The following DPP10 variants were observed in gnomAD, a reference collection of about 807,000 sequenced individuals.
The protein encoded by DPP10 is dipeptidyl peptidase like 10, also known as inactive dipeptidyl peptidase 10.
DPP10 carries 33 observed loss-of-function variants against 120.9 expected under a neutral mutation model. The ratio of observed to expected loss-of-function variants is 0.27; its 90% CI spans 0.21 to 0.37. The LOEUF (loss-of-function observed/expected upper bound fraction) is 0.37. Ranked by LOEUF, DPP10 falls within the 10% of genes least tolerant of loss-of-function variation. The pLI is 1.00. For missense variants in DPP10, 816 were observed against 942.8 expected, an observed-to-expected ratio of 0.87 and a Z score of 1.76; for synonymous variants, 337 against 326.1, an observed-to-expected ratio of 1.03 and a Z score of -0.36.
At position 114,512,574 on chromosome 2, in the gene DPP10, C is replaced by T. The variant is rs1684235309; in HGVS notation, c.60+69736C>T. ...GATTGTGATACTATACAGGAAAGTG[C>T]TAAATACCGCAGGCACAGATGAAAG... is the stretch of plus-strand genomic sequence containing the variant. On this transcript the variant is annotated intron_variant, in intron 1 of 25. Transcript: ENST00000410059. Among the ~76,000 whole-genome samples the T allele has an allele frequency of 2.0e-5, 3 of 152,322 alleles. No homozygotes were observed. The South Asian group carries it at 6.2e-4, about 32-fold the overall frequency.
intron 1 of DPP10, among the ~76,000 whole-genome samples, chr2:114,956,500 A>G (rs994443641): frequency 5.9e-5 from 9 of 152,130 alleles, no homozygotes; most frequent in South Asian, 2.1e-4. Context: ...AAAAGTTTAT[A>G]TATTTTAAAT....
At chr2:115,474,891 G>A (rs932748431) in intron 3 of DPP10, among the ~76,000 whole-genome samples, 2 of 152,164 alleles carry the variant, frequency 1.3e-5, no homozygotes, top group South Asian at 2.1e-4. Context: ...TAGGCTCAGA[G>A]GCCTAGGAGG....
chr2:115,785,806 G>A (rs182703407), intron 17 of DPP10, among the ~76,000 whole-genome samples: 75 of 145,650 alleles, frequency 5.1e-4, no homozygotes, highest in African/African-American at 1.6e-3. Flanking sequence ...GCTTTTTCAC[G>A]TATTCATTTC....
intron 3 of DPP10, among the ~76,000 whole-genome samples, chr2:115,384,638 A>G (rs1195074388): frequency 7.6e-5 from 11 of 144,808 alleles, no homozygotes; most frequent in East Asian, 3.9e-4. Flanking sequence ...GGAAGAAGAA[A>G]GAAGGAAGAA....
intron 1 of DPP10, among the ~76,000 whole-genome samples, chr2:114,816,140 A>G (rs1574256310): frequency 6.6e-6 from 1 of 152,332 alleles, no homozygotes; most frequent in East Asian, 1.9e-4. Context: ...TCCAGCTGAC[A>G]CTGTGCGCCA....
At chr2:114,781,315 T>G (rs979081436) in intron 1 of DPP10, among the ~76,000 whole-genome samples, 1 of 152,184 alleles carries the variant, frequency 6.6e-6, no homozygotes, top group Non-Finnish European at 1.5e-5. Context: ...TAGAGGCTAG[T>G]TGCTTTTAGC....
chr2:114,742,705 C>G (rs145339004), intron 1 of DPP10, among the ~76,000 whole-genome samples: 2 of 152,176 alleles, frequency 1.3e-5, no homozygotes, highest in Non-Finnish European at 2.9e-5. Context: ...TTGAAAGAAA[C>G]AATACTGGTG....
intron 1 of DPP10, among the ~76,000 whole-genome samples, chr2:114,699,261 A>G (rs10188095): frequency 2.6e-5 from 4 of 152,106 alleles, no homozygotes; most frequent in Admixed American, 6.6e-5. Context: ...TTGTATAAAT[A>G]TACATATGCA....
At position 114,745,965 on chromosome 2, in the gene DPP10, G is replaced by A. The variant is rs143644694; in HGVS notation, c.60+303127G>A. Among the ~76,000 whole-genome samples, 470 of 152,258 alleles carry A rather than the reference G, an allele frequency of 3.1e-3. 2 individuals are homozygous for A. Among genetic ancestry groups the A allele is most frequent in the African/African-American group, 0.011 (452 of 41,548 alleles). ...CAATTGACTTGTAATCCTTGCTTTG[G>A]AAGTGCTATCAACTTCATCATGGTT... On this transcript the variant is annotated intron_variant, in intron 1 of 25. Coordinates refer to ENST00000410059, the MANE Select transcript of DPP10 (RefSeq NM_020868.6).
chr2:114,847,661 A>G (rs905689102), intron 1 of DPP10, among the ~76,000 whole-genome samples: 3 of 152,196 alleles, frequency 2.0e-5, no homozygotes, highest in East Asian at 1.9e-4. Flanking sequence ...CATGAGTGTA[A>G]TAAGGAACTG....
chr2:115,592,386 T>G (rs150588160), intron 5 of DPP10, among the ~76,000 whole-genome samples: 1 of 151,998 alleles, frequency 6.6e-6, no homozygotes, highest in South Asian at 2.1e-4. Flanking sequence ...TTTTAGACTT[T>G]TAAAGGTGTC....
chr2:115,621,493 C>A (rs1016677360), intron 5 of DPP10, among the ~76,000 whole-genome samples: 3 of 152,070 alleles, frequency 2.0e-5, no homozygotes, highest in Admixed American at 2.0e-4. Context: ...TTTAAACTGA[C>A]TTTGCTTCTA....
chr2:115,544,796 G>A (rs2079398996), intron 5 of DPP10, among the ~76,000 whole-genome samples: 1 of 152,020 alleles, frequency 6.6e-6, no homozygotes, highest in Non-Finnish European at 1.5e-5. Flanking sequence ...GTTCCTCACT[G>A]CTGCTGGTGG....
At chr2:115,695,126 T>G (rs1248661764) in intron 7 of DPP10, among the ~76,000 whole-genome samples, 1 of 152,094 alleles carries the variant, frequency 6.6e-6, no homozygotes, top group Non-Finnish European at 1.5e-5. Flanking sequence ...CATTAAAAAT[T>G]AAGATATTCA....
rs1368853746 is a variant in DPP10, at chr2:115,256,428, T to G, written c.61-52811T>G. Reference sequence around the variant, plus strand: ...AAACCTTGTCAGCCACCGAGGCTTATGGCATGCCTTCTCTGAAGCAGCAGA... The same window carrying G: ...AAACCTTGTCAGCCACCGAGGCTTAGGGCATGCCTTCTCTGAAGCAGCAGA... On this transcript the variant is annotated intron_variant, in intron 1 of 25. Transcript: ENST00000410059. Among the ~76,000 whole-genome samples, 11 of 152,172 alleles carry G rather than the reference T, an allele frequency of 7.2e-5. 1 individual carries two copies. In the East Asian group the frequency reaches 2.1e-3, roughly 29 times the overall value.
At chr2:115,797,087 C>T (rs1684621331) in intron 19 of DPP10, among the ~76,000 whole-genome samples, 1 of 152,050 alleles carries the variant, frequency 6.6e-6, no homozygotes. Flanking sequence ...TTCCACTGAA[C>T]AGTTTATAAT....
intron 1 of DPP10, among the ~76,000 whole-genome samples, chr2:115,070,136 T>C (rs926959209): frequency 6.6e-6 from 1 of 152,044 alleles, no homozygotes; most frequent in Non-Finnish European, 1.5e-5. Context: ...GAAAGTAAAA[T>C]GAGAAATACA....
At chr2:114,574,735 T>C (rs1299037003) in intron 1 of DPP10, among the ~76,000 whole-genome samples, 1 of 152,210 alleles carries the variant, frequency 6.6e-6, no homozygotes, top group African/African-American at 2.4e-5. Flanking sequence ...GGCTAGATTA[T>C]ACAGCAAGCA....
At chr2:114,565,756 G>A (rs2104975365) in intron 1 of DPP10, among the ~76,000 whole-genome samples, 1 of 152,210 alleles carries the variant, frequency 6.6e-6, no homozygotes, top group South Asian at 2.1e-4. Flanking sequence ...TGACTTCCTG[G>A]TGTTATAATT....
Sources: gnomAD v4.1 joint callset for allele counts (sites outside exome capture counted in the v4.1 genomes callset) on GRCh38, gnomAD v4.1.1 for gene constraint, MANE v1.5 for transcripts, NCBI Gene and HGNC (gene_info 2026-07-23, HGNC 2026-07-21) for gene names.